Variants in SLC24A2 observed in about 807,000 individuals in gnomAD.
SLC24A2 encodes sodium/potassium/calcium exchanger 2.
Under a neutral mutation model 62.0 loss-of-function variants are expected in SLC24A2, and 36 were observed. The observed-to-expected ratio is 0.58, with a 90% CI of 0.44 to 0.77. SLC24A2 has a LOEUF of 0.77. Ranked by LOEUF, SLC24A2 falls within the 30% of genes least tolerant of loss-of-function variation. The pLI, the probability that SLC24A2 is intolerant of heterozygous loss-of-function variation, is 0.00. For synonymous variants in SLC24A2, 358 were observed against 294.0 expected (o/e 1.22, Z -2.23); for missense variants, 846 against 817.9 (o/e 1.03, Z -0.42).
chr9:20,123,749 T>C, the SLC24A2 span, among the ~76,000 whole-genome samples: 1 of 152,202 alleles, frequency 6.6e-6, no homozygotes, highest in African/African-American at 2.4e-5. Flanking sequence ...GTAACAATGC[T>C]TTAATTATTT....
the SLC24A2 span, among the ~76,000 whole-genome samples, chr9:19,965,080 C>G: frequency 7.7e-6 from 1 of 129,918 alleles, no homozygotes; most frequent in African/African-American, 2.9e-5. Flanking sequence ...TTCCCTGTGA[C>G]ACACAGGTGG....
chr9:20,061,250 A>G, the SLC24A2 span, among the ~76,000 whole-genome samples: 12 of 152,296 alleles, frequency 7.9e-5, no homozygotes, highest in African/African-American at 2.2e-4. Context: ...TCAGTGGAAC[A>G]GAAGTCTAGA....
chr9:19,838,834 G>A, the SLC24A2 span, among the ~76,000 whole-genome samples: 1 of 149,262 alleles, frequency 6.7e-6, no homozygotes, highest in Admixed American at 6.7e-5. Context: ...GCATGGGCAA[G>A]GACTTCATGT....
At chr9:20,224,212 T>C in the SLC24A2 span, among the ~76,000 whole-genome samples, 1 of 151,752 alleles carries the variant, frequency 6.6e-6, no homozygotes. Flanking sequence ...TGAATAAAGC[T>C]CTAAATATGA....
At chr9:19,990,922 G>GATATAT in the SLC24A2 span, among the ~76,000 whole-genome samples, 494 of 120,808 alleles carry the variant, frequency 4.1e-3, 6 homozygotes, top group Middle Eastern at 4.2e-3. Context: ...GGACTAATAG[G>GATATAT]ATATATATAT....
chr9:20,295,552 A>T, the SLC24A2 span, among the ~76,000 whole-genome samples: 13 of 152,174 alleles, frequency 8.5e-5, no homozygotes, highest in African/African-American at 3.1e-4. Flanking sequence ...AGGCAGGAAG[A>T]TGTGCCCTCA....
the SLC24A2 span, among the ~76,000 whole-genome samples, chr9:20,195,958 T>C: frequency 3.3e-5 from 5 of 151,982 alleles, no homozygotes; most frequent in East Asian, 9.6e-4. Flanking sequence ...GCAAAAAACA[T>C]GAACAGGCAA....
chr9:20,104,218 T>C, the SLC24A2 span, among the ~76,000 whole-genome samples: 13 of 152,162 alleles, frequency 8.5e-5, no homozygotes, highest in Admixed American at 8.5e-4. Context: ...CAAATCTACA[T>C]CTGATTGGTG....
At chr9:19,623,066 A>G (rs1050867985) in intron 2 of SLC24A2, among the ~76,000 whole-genome samples, 2 of 152,164 alleles carry the variant, frequency 1.3e-5, no homozygotes, top group African/African-American at 4.8e-5. Context: ...AGCGAACGCA[A>G]CTCAGACAAG....
At chr9:20,034,103 A>G in the SLC24A2 span, among the ~76,000 whole-genome samples, 1 of 152,172 alleles carries the variant, frequency 6.6e-6, no homozygotes, top group Non-Finnish European at 1.5e-5. Flanking sequence ...TTTGCCAAAG[A>G]TCTAAAAAGG....
rs1426424145 is a variant in SLC24A2 at position 19,511,806 on chromosome 9, C to G, written c.*4347G>C. 3 of 152,146 alleles carry G rather than the reference C, an allele frequency of 2.0e-5. No homozygotes were observed. The highest frequency in any genetic ancestry group is 4.4e-5 in the Non-Finnish European group (3 of 68,042). 9.4% of individuals were successfully genotyped at this position (152,146 alleles called of 1,614,324 possible). On this transcript the variant is annotated 3_prime_UTR_variant, in exon 11 of 11. Coordinates refer to ENST00000341998, the MANE Select transcript of SLC24A2 (RefSeq NM_020344.4). ...CAGCTGCCACCTATAATAGGGCCAC[C>G]TACTTACCAGAAAAACAATCTGTCC...
chr9:19,981,953 C>T, the SLC24A2 span, among the ~76,000 whole-genome samples: 5 of 152,214 alleles, frequency 3.3e-5, no homozygotes, highest in African/African-American at 4.8e-5. Context: ...TCAAGCCCAA[C>T]ATCAGTGGAG....
chr9:20,172,869 A>G, the SLC24A2 span, among the ~76,000 whole-genome samples: 3 of 152,136 alleles, frequency 2.0e-5, no homozygotes, highest in African/African-American at 7.2e-5. Flanking sequence ...TCACTTTAAT[A>G]CCAAAACCAG....
chr9:19,812,354 T>C, the SLC24A2 span, among the ~76,000 whole-genome samples: 20 of 152,270 alleles, frequency 1.3e-4, no homozygotes, highest in East Asian at 7.7e-4. Flanking sequence ...TTCTAAATTT[T>C]ATATCCTGTT....
the SLC24A2 span, among the ~76,000 whole-genome samples, chr9:20,093,047 T>C: frequency 1.3e-5 from 2 of 152,066 alleles, no homozygotes; most frequent in African/African-American, 4.8e-5. Flanking sequence ...TGATTCTTAC[T>C]TTATATTTTC....
At chr9:20,201,100 C>G in the SLC24A2 span, among the ~76,000 whole-genome samples, 2 of 152,204 alleles carry the variant, frequency 1.3e-5, no homozygotes, top group African/African-American at 4.8e-5. Context: ...TTCAAGTACA[C>G]AGAGTGGGAC....
chr9:19,824,818 C>T, the SLC24A2 span, among the ~76,000 whole-genome samples: 1 of 152,188 alleles, frequency 6.6e-6, no homozygotes, highest in African/African-American at 2.4e-5. Context: ...GGCACATATA[C>T]ACCATAGAAC....
chr9:20,140,225 A>G, the SLC24A2 span, among the ~76,000 whole-genome samples: 5 of 152,146 alleles, frequency 3.3e-5, no homozygotes, highest in Non-Finnish European at 7.3e-5. Context: ...ACTGAAGCTG[A>G]CTCAGGTGTT....
chr9:20,301,089 G>C, the SLC24A2 span, among the ~76,000 whole-genome samples: 2 of 152,144 alleles, frequency 1.3e-5, no homozygotes, highest in African/African-American at 4.8e-5. Flanking sequence ...TCTCCCACCT[G>C]AAGAGGCCAC....
Sources: gnomAD v4.1 joint callset for allele counts (sites outside exome capture counted in the v4.1 genomes callset) on GRCh38, gnomAD v4.1.1 for gene constraint, MANE v1.5 for transcripts, NCBI Gene and HGNC (gene_info 2026-07-23, HGNC 2026-07-21) for gene names.